GTF3C5: variants seen among roughly 807,000 people sequenced by gnomAD.
GTF3C5 encodes the protein general transcription factor 3C polypeptide 5.
Under a neutral mutation model 61.0 loss-of-function variants are expected in GTF3C5, and 47 were observed. The ratio of observed to expected loss-of-function variants is 0.77; its 90% confidence interval spans 0.61 to 0.98. GTF3C5 has a LOEUF of 0.98. Ranked by LOEUF, GTF3C5 falls within the 50% of genes least tolerant of loss-of-function variation. The pLI is 0.00. For synonymous variants in GTF3C5, 295 were observed against 275.4 expected (o/e 1.07, Z -0.71); for missense variants, 659 against 703.3 (o/e 0.94, Z 0.71).
chr9:133,054,915 CG>C, intron 8 of GTF3C5, 106 bp downstream of exon 8: 1 of 1,544,092 alleles, frequency 6.5e-7, no homozygotes, highest in Non-Finnish European at 8.8e-7. Context: ...CTCTGCCCAC[CG>C]GGGCCTCGGC....
intron 1 of GTF3C5, among the ~76,000 whole-genome samples, chr9:133,039,614 A>G (rs1849979957): frequency 6.6e-6 from 1 of 152,170 alleles, no homozygotes; most frequent in South Asian, 2.1e-4. Context: ...TAAGTTGTCC[A>G]GGATGGTCTC....
intron 1 of GTF3C5, among the ~76,000 whole-genome samples, chr9:133,036,555 C>T (rs934513950): frequency 6.6e-6 from 1 of 152,134 alleles, no homozygotes; most frequent in Non-Finnish European, 1.5e-5. Flanking sequence ...AAAGCTACCC[C>T]CTTCTTTACA....
chr9:133,031,299 C>T, intron 1 of GTF3C5, 135 bp downstream of exon 1: 1 of 698,914 alleles, frequency 1.4e-6, no homozygotes, highest in Non-Finnish European at 2.3e-6. Context: ...CTTCTGGCCG[C>T]TGCAAGAGAG....
chr9:133,056,834 TC>T lies in GTF3C5; in HGVS notation c.1323del (p.Lys442ArgfsTer13). The T allele has an allele frequency of 6.2e-7, 1 of 1,611,848 alleles. No homozygotes were observed. The highest frequency in any genetic ancestry group is 2.2e-5 in the East Asian group (1 of 44,690). The part of the protein sequence containing the change: ...NSCTERDGWC[L>X]PKTSDELRDT... Reference sequence around the variant, plus strand: ...TGCACAGAACGGGATGGGTGGTGCCTCCCCAAGACCAGCGACGAGCTCAGGG... The same window carrying T: ...TGCACAGAACGGGATGGGTGGTGCCTCCCAAGACCAGCGACGAGCTCAGGG... On this transcript the variant is annotated frameshift_variant, in exon 10 of 11. Transcript: ENST00000372097. LOFTEE classifies it high-confidence loss of function.
Position 133,057,820 on chromosome 9 carries a change from T to A in GTF3C5, c.1400T>A (p.Phe467Tyr), listed in dbSNP as rs1401207276. The change falls in exon 11 of 11, where the codon TTT becomes TAT. Residue 467 changes from phenylalanine to tyrosine, a missense_variant. By Grantham distance (22) the Phe-to-Tyr change is conservative (BLOSUM62 3). Coordinates refer to ENST00000372097, the MANE Select transcript of GTF3C5 (RefSeq NM_012087.4). Reference protein sequence around the residue: ...QTIRSKRPALFSSSAKADGGK... With the variant: ...QTIRSKRPALYSSSAKADGGK... ...TTGTCTCCTCCGGCCCCAGCTCTCT[T>A]TTCCAGCTCAGCCAAGGCTGATGGC... The A allele has an allele frequency of 1.2e-6, 2 of 1,603,498 alleles. No homozygotes were observed. Among genetic ancestry groups the A allele is most frequent in the East Asian group, 4.5e-5 (2 of 44,760 alleles).
intron 10 of GTF3C5, 99 bp from the exon 11 acceptor site, chr9:133,057,715 C>G (rs1829980366): frequency 3.4e-6 from 4 of 1,168,658 alleles, no homozygotes; most frequent in Non-Finnish European, 4.8e-6. Context: ...AGCTCGGACC[C>G]TTATAGTAGT....
chr9:133,049,662 A>G (rs933335616), intron 3 of GTF3C5, among the ~76,000 whole-genome samples: 6 of 152,144 alleles, frequency 3.9e-5, no homozygotes, highest in African/African-American at 1.2e-4. Flanking sequence ...TTGGTGTCCA[A>G]CCTTAAAGAC....
chr9:133,058,068 G>A lies in GTF3C5; in HGVS notation c.*88G>A. ...GGGGCTCCCCATTGCCACCCACAGT[G>A]CCCGGAATGGCCCTAGGAGGCCCTC... On this transcript the variant is annotated 3_prime_UTR_variant, in exon 11 of 11. Transcript: ENST00000372097. 1.3e-6 allele frequency: 2 copies of A among 1,580,218 alleles called. No individual in the cohort carries two copies. The highest frequency in any genetic ancestry group is 1.2e-5 in the South Asian group (1 of 86,304).
At chr9:133,045,478 C>T (rs1240463516) in intron 3 of GTF3C5, among the ~76,000 whole-genome samples, 1 of 152,186 alleles carries the variant, frequency 6.6e-6, no homozygotes, top group Non-Finnish European at 1.5e-5. Flanking sequence ...GGATGCTCCC[C>T]AGAAGTAGCG....
intron 1 of GTF3C5, among the ~76,000 whole-genome samples, chr9:133,031,800 G>A (rs1849740398): frequency 6.6e-6 from 1 of 152,140 alleles, no homozygotes; most frequent in Admixed American, 6.5e-5. Context: ...ATTCCGATTG[G>A]TTATTTCAAA....
At chr9:133,035,659 G>C (rs1046813395) in intron 1 of GTF3C5, among the ~76,000 whole-genome samples, 1 of 152,034 alleles carries the variant, frequency 6.6e-6, no homozygotes, top group African/African-American at 2.4e-5. Context: ...GATGGGAACT[G>C]CGGTCGGGGG....
intron 3 of GTF3C5, 34 bp downstream of exon 3, chr9:133,043,960 A>G (rs767182224): frequency 2.6e-6 from 4 of 1,522,864 alleles, no homozygotes; most frequent in Admixed American, 3.4e-5. Context: ...TCGGTTCTCT[A>G]TCCTGAAAAT....
chr9:133,052,665 C>T lies in GTF3C5; in HGVS notation c.873+501C>T, dbSNP rs997485903. ...AGGTGCTGGTTGGAAAGGGATCCTC[C>T]CCGCTGCCAGGCCTCACAGAGCATT... On this transcript the variant is annotated intron_variant, in intron 5 of 10. Coordinates refer to ENST00000372097, the MANE Select transcript of GTF3C5 (RefSeq NM_012087.4). Among the ~76,000 whole-genome samples, 12 of 152,210 alleles carry T rather than the reference C, an allele frequency of 7.9e-5. No homozygotes were observed. In the South Asian group the frequency reaches 1.9e-3, roughly 24 times the overall value.
At position 133,032,006 on chromosome 9, in the gene GTF3C5, G is replaced by A. The variant is rs529761161; in HGVS notation, c.153+842G>A. ...AAAATGGAGAACAAAGAACAGGGAAGCTGAACATACTGACATATTGGTTCT... is the reference window on the plus strand; with the variant it reads ...AAAATGGAGAACAAAGAACAGGGAAACTGAACATACTGACATATTGGTTCT... On this transcript the variant is annotated intron_variant, in intron 1 of 10. Transcript: ENST00000372097. 7.9e-5 allele frequency among the ~76,000 whole-genome samples: 12 copies of A among 152,270 alleles called. 2 individuals are homozygous for A. The South Asian group carries it at 2.3e-3, about 29-fold the overall frequency.
At chr9:133,042,869 C>T (rs1850080138) in intron 2 of GTF3C5, among the ~76,000 whole-genome samples, 1 of 152,226 alleles carries the variant, frequency 6.6e-6, no homozygotes, top group Non-Finnish European at 1.5e-5. Context: ...TGGGAGGTGG[C>T]TTGGCTTCCC....
In GTF3C5 at chr9:133,050,991, C is replaced by T; in HGVS notation, c.768+13C>T. 6.3e-7 allele frequency: 1 copy of T among 1,577,760 alleles called. No individual in the cohort carries two copies. The highest frequency in any genetic ancestry group is 1.1e-5 in the South Asian group (1 of 87,530). ...GGAGCTGAGGAAGGCAAGTCCTGCGCTGCGCCTGGCCCCGGTGGCTCCAGC... is the reference window on the plus strand; with the variant it reads ...GGAGCTGAGGAAGGCAAGTCCTGCGTTGCGCCTGGCCCCGGTGGCTCCAGC... On this transcript the variant is annotated intron_variant, in intron 4 of 10. Coordinates refer to ENST00000372097, the MANE Select transcript of GTF3C5 (RefSeq NM_012087.4).
intron 1 of GTF3C5, among the ~76,000 whole-genome samples, 198 bp downstream of exon 1, chr9:133,031,362 G>C (rs1849727547): frequency 6.6e-6 from 1 of 152,040 alleles, no homozygotes; most frequent in African/African-American, 2.4e-5. Context: ...TTTTTTTGTT[G>C]GTTTTTCAGG....
chr9:133,034,778 T>C (rs1302893913), intron 1 of GTF3C5, among the ~76,000 whole-genome samples: 1 of 152,176 alleles, frequency 6.6e-6, no homozygotes, highest in Non-Finnish European at 1.5e-5. Flanking sequence ...AGGCCTTCAG[T>C]CCTGAGGGAA....
At chr9:133,057,734 T>C in intron 10 of GTF3C5, 80 bp from the exon 11 acceptor site, 1 of 1,369,710 alleles carries the variant, frequency 7.3e-7, no homozygotes, top group Admixed American at 2.3e-5. Context: ...GTAAACAGGC[T>C]CCCCAGAGCC....
Sources: gnomAD v4.1 joint callset for allele counts (sites outside exome capture counted in the v4.1 genomes callset) on GRCh38, gnomAD v4.1.1 for gene constraint, MANE v1.5 for transcripts, NCBI Gene and HGNC (gene_info 2026-07-23, HGNC 2026-07-21) for gene names.